Variants in MYO5B observed in about 807,000 individuals in gnomAD.
The protein encoded by MYO5B is myosin VB.
A neutral mutation model predicts 229.3 loss-of-function variants in MYO5B; 143 were observed. That is an observed-to-expected ratio of 0.62 (90% CI 0.54 to 0.72). The LOEUF (loss-of-function observed/expected upper bound fraction) is 0.72. Among genes scored for constraint, MYO5B ranks in the 30% least tolerant of loss-of-function variants. The pLI is 0.00. For synonymous variants in MYO5B, 918 were observed against 885.2 expected (o/e 1.04, Z -0.66); for missense variants, 2,321 against 2,331.0 (o/e 1.00, Z 0.09).
chr18:49,973,647 G>T (rs1311786873), intron 10 of MYO5B, among the ~76,000 whole-genome samples: 1 of 152,128 alleles, frequency 6.6e-6, no homozygotes, highest in Admixed American at 6.5e-5. Flanking sequence ...GGAGACTGTG[G>T]CTCAAAACCT....
intron 32 of MYO5B, among the ~76,000 whole-genome samples, chr18:49,848,535 G>C (rs922704540): frequency 2.6e-5 from 4 of 151,542 alleles, no homozygotes; most frequent in Non-Finnish European, 5.9e-5. Flanking sequence ...AAGGCTGGCA[G>C]ACTAGGGCTG....
At chr18:50,059,543 GC>G (rs1207890016) in intron 1 of MYO5B, among the ~76,000 whole-genome samples, 2 of 152,220 alleles carry the variant, frequency 1.3e-5, no homozygotes, top group African/African-American at 4.8e-5. Context: ...AGCTTTAGAT[GC>G]AAATCTAGTA....
chr18:50,074,715 C>T (rs1273918108), intron 1 of MYO5B, among the ~76,000 whole-genome samples: 1 of 152,176 alleles, frequency 6.6e-6, no homozygotes, highest in Non-Finnish European at 1.5e-5. Flanking sequence ...TTTCCACCAT[C>T]CCCACTATCA....
At chr18:49,941,127 A>G (rs1178120229) in intron 14 of MYO5B, among the ~76,000 whole-genome samples, 1 of 152,232 alleles carries the variant, frequency 6.6e-6, no homozygotes, top group Admixed American at 6.5e-5. Flanking sequence ...GCGGGAATCA[A>G]CACGTGTCAG....
At chr18:49,875,593 C>A in intron 26 of MYO5B, 94 bp downstream of exon 26, 1 of 1,544,870 alleles carries the variant, frequency 6.5e-7, no homozygotes, top group Non-Finnish European at 8.9e-7. Flanking sequence ...AGCACAATCC[C>A]ATGTGGTCAC....
intron 9 of MYO5B, among the ~76,000 whole-genome samples, 183 bp from the exon 10 acceptor site, chr18:49,974,798 G>GAGACACACACACACACACACAC (rs2025730583): frequency 7.6e-6 from 1 of 130,996 alleles, no homozygotes; most frequent in Non-Finnish European, 1.6e-5. Context: ...CACACACACA[G>GAGACACACACACACACACACAC]ACACACACAC....
chr18:49,847,237 C>G lies in MYO5B; in HGVS notation c.4368G>C (p.Gln1456His). 1 of 1,614,086 alleles carries G rather than the reference C, an allele frequency of 6.2e-7. No individual in the cohort carries two copies. Among genetic ancestry groups the G allele is most frequent in the East Asian group, 2.2e-5 (1 of 44,886 alleles). The change falls in exon 33 of 40, where the codon CAG becomes CAC. Residue 1456 changes from glutamine (Q) to histidine (H), a missense_variant. Gln to His is a conservative substitution (Grantham distance 24, BLOSUM62 0). Around this residue, in one of 2 missense-constraint regions of MYO5B, gnomAD observed 2,113 missense variants for 2,044.7 expected, o/e 1.03. Transcript: ENST00000285039. ...CCTTCTCTTTCCGCTGGACCGTGAC[C>G]TGCCTGTTGAGCTCATGGCGCTTCC... ...SERKRHELNRQVTVQRKEKDF... is the reference protein window; with the variant it reads ...SERKRHELNRHVTVQRKEKDF...
At chr18:50,108,404 C>T (rs902821189) in intron 1 of MYO5B, among the ~76,000 whole-genome samples, 1 of 152,152 alleles carries the variant, frequency 6.6e-6, no homozygotes, top group African/African-American at 2.4e-5. Flanking sequence ...TCCATTCATT[C>T]GCGCTATTGT....
rs375912779 is a variant in MYO5B at position 49,930,764 on chromosome 18, T to C, written c.2004-1166A>G. The stretch of plus-strand genomic sequence containing the variant: ...AAAATTAGCTGGGCGTGGTGGTGGG[T>C]GCCTGTAGTCCCAGCTACTCGGGAG... On this transcript the variant is annotated intron_variant, in intron 16 of 39. Transcript: ENST00000285039. Among the ~76,000 whole-genome samples, 91 of 152,010 alleles carry C rather than the reference T, an allele frequency of 6.0e-4. No homozygotes were observed. The Middle Eastern group carries it at 0.01, about 17-fold the overall frequency.
chr18:50,121,043 T>G (rs2032051012), intron 1 of MYO5B, among the ~76,000 whole-genome samples: 1 of 152,186 alleles, frequency 6.6e-6, no homozygotes, highest in Admixed American at 6.5e-5. Context: ...CCTCTGGGCA[T>G]TTTCAAACCC....
At chr18:50,109,330 T>G (rs1325357094) in intron 1 of MYO5B, among the ~76,000 whole-genome samples, 3 of 152,078 alleles carry the variant, frequency 2.0e-5, no homozygotes, top group Admixed American at 2.0e-4. Context: ...ACATAAATTA[T>G]GAGAAATGCC....
chr18:50,036,992 T>C lies in MYO5B; in HGVS notation c.313A>G (p.Ile105Val), dbSNP rs758190724. ...TAAGGATTAATGGCAACAAGTACGA[T>C]ACCTGCAAACAGACAAGGTGGTCAG... The part of the protein sequence containing the change: ...ESNHIYTYCG[I>V]VLVAINPYEQ... Residue 105 changes from isoleucine (I) to valine (V), a missense_variant and splice_region_variant, in exon 4 of 40, where the codon ATC becomes GTC. Physicochemically the swap from Ile to Val is conservative, Grantham distance 29. This residue lies in a region of MYO5B where 2,113 missense variants were observed against 2,044.7 expected (regional missense o/e 1.03). Transcript: ENST00000285039. The C allele has an allele frequency of 1.9e-6, 3 of 1,614,108 alleles. No individual in the cohort carries two copies. The highest frequency in any genetic ancestry group is 4.5e-5 in the East Asian group (2 of 44,884).
chr18:50,165,567 C>A lies in MYO5B; in HGVS notation c.27+29200G>T, dbSNP rs144703249. 2.2e-4 allele frequency among the ~76,000 whole-genome samples: 34 copies of A among 152,234 alleles called. 1 individual carries two copies. The South Asian group carries it at 7.0e-3, about 32-fold the overall frequency. ...AAGGCAGGCGGATCACTTAAGGTCA[C>A]GAGTTCAAGACCAGTCTGGCCAATA... On this transcript the variant is annotated intron_variant, in intron 1 of 39. Coordinates refer to ENST00000285039, the MANE Select transcript of MYO5B (RefSeq NM_001080467.3).
chr18:50,077,168 T>TAAAAG (rs2031100056), intron 1 of MYO5B, among the ~76,000 whole-genome samples: 1 of 81,232 alleles, frequency 1.2e-5, no homozygotes. Flanking sequence ...TGTGGCAAAG[T>TAAAAG]AAAAAAAAAA....
At chr18:50,067,130 T>G (rs951662556) in intron 1 of MYO5B, among the ~76,000 whole-genome samples, 3 of 152,142 alleles carry the variant, frequency 2.0e-5, no homozygotes, top group Non-Finnish European at 2.9e-5. Context: ...GTACCCTTTA[T>G]CCACTCTACT....
At chr18:49,861,025 G>T (rs554529726) in intron 29 of MYO5B, among the ~76,000 whole-genome samples, 2 of 152,240 alleles carry the variant, frequency 1.3e-5, no homozygotes, top group Admixed American at 6.5e-5. Context: ...AAAGCTAAAG[G>T]CCAGACTGGG....
At chr18:49,911,339 G>T (rs892496592) in intron 18 of MYO5B, among the ~76,000 whole-genome samples, 1 of 152,196 alleles carries the variant, frequency 6.6e-6, no homozygotes, top group African/African-American at 2.4e-5. Context: ...TGGGAAAAAT[G>T]TTAGAGATAG....
At chr18:49,952,796 T>G (rs7230292) in intron 14 of MYO5B, among the ~76,000 whole-genome samples, 53,861 of 151,878 alleles carry the variant, frequency 0.35, 10,636 homozygotes, top group Middle Eastern at 0.58. Flanking sequence ...AGTTTCTGCT[T>G]ATAGAGAGGT....
intron 29 of MYO5B, among the ~76,000 whole-genome samples, chr18:49,857,769 A>G (rs771018817): frequency 8.5e-5 from 13 of 152,152 alleles, no homozygotes; most frequent in South Asian, 2.1e-4. Context: ...GGTGTGTCCA[A>G]TGTTCCACCT....
Sources: allele counts gnomAD v4.1 joint callset (sites outside exome capture counted in the v4.1 genomes callset), GRCh38; gene constraint gnomAD v4.1.1; regional missense constraint gnomAD v4.1.1; transcripts MANE v1.5; gene names NCBI Gene and HGNC (gene_info 2026-07-23, HGNC 2026-07-21).